Variants in SYN2 observed in about 807,000 individuals in gnomAD.
SYN2 encodes the protein synapsin II.
Under a neutral mutation model 50.9 loss-of-function variants are expected in SYN2, and 19 were observed. The ratio of observed to expected loss-of-function variants is 0.37; its 90% confidence interval spans 0.26 to 0.55. SYN2 has a LOEUF of 0.55. Ranked by LOEUF, SYN2 falls within the 20% of genes least tolerant of loss-of-function variation. The probability of loss-of-function intolerance (pLI) is 0.81; values close to 1 mark genes in which losing one functional copy is unlikely to be tolerated. For missense variants in SYN2, 587 were observed against 576.4 expected, an observed-to-expected ratio of 1.02 and a Z score of -0.19; for synonymous variants, 255 against 224.9, an observed-to-expected ratio of 1.13 and a Z score of -1.20.
At chr3:12,085,000 A>AG (rs1559413534) in intron 1 of SYN2, among the ~76,000 whole-genome samples, 5 of 151,520 alleles carry the variant, frequency 3.3e-5, no homozygotes, top group Admixed American at 6.6e-5. Flanking sequence ...TTAACTAGGA[A>AG]AAAAAAAATC....
intron 10 of SYN2, among the ~76,000 whole-genome samples, chr3:12,180,015 C>A (rs1335174446): frequency 2.0e-5 from 3 of 152,166 alleles, no homozygotes; most frequent in Non-Finnish European, 4.4e-5. Context: ...GTGGCGTGAT[C>A]CTGGCTCACT....
chr3:12,138,631 T>A (rs1696950297), intron 1 of SYN2, among the ~76,000 whole-genome samples: 2 of 152,196 alleles, frequency 1.3e-5, no homozygotes, highest in African/African-American at 4.8e-5. Flanking sequence ...ACATTATCTC[T>A]CTTGGCTCCT....
At chr3:12,005,571 T>C (rs1201916177) in intron 1 of SYN2, among the ~76,000 whole-genome samples, 1 of 72,206 alleles carries the variant, frequency 1.4e-5, no homozygotes, top group Non-Finnish European at 2.5e-5. Flanking sequence ...AGGGGACGTG[T>C]GGAATTTTTT....
At chr3:12,096,208 A>G (rs1053863159) in intron 1 of SYN2, among the ~76,000 whole-genome samples, 1 of 152,178 alleles carries the variant, frequency 6.6e-6, no homozygotes, top group Admixed American at 6.5e-5. Context: ...ATTACTTCCT[A>G]TCTTAAAGCT....
At chr3:12,187,290 C>T (rs1457337679) in intron 11 of SYN2, 79 bp from the exon 12 acceptor site, 4 of 1,453,234 alleles carry the variant, frequency 2.8e-6, no homozygotes, top group South Asian at 1.4e-5. Flanking sequence ...TAACTAACCA[C>T]ACCCTTTGAG....
intron 10 of SYN2, among the ~76,000 whole-genome samples, chr3:12,179,463 A>T (rs1419662791): frequency 1.3e-5 from 2 of 151,690 alleles, no homozygotes; most frequent in East Asian, 3.9e-4. Context: ...CTGCAGCTAC[A>T]TGAGCCCCCC....
chr3:12,123,419 T>C (rs1283253229), intron 1 of SYN2, among the ~76,000 whole-genome samples: 1 of 152,080 alleles, frequency 6.6e-6, no homozygotes, highest in African/African-American at 2.4e-5. Flanking sequence ...CCTCAAAAGC[T>C]GAGAGGAAAA....
intron 1 of SYN2, among the ~76,000 whole-genome samples, chr3:12,046,026 C>T (rs1281140014): frequency 1.3e-5 from 2 of 152,112 alleles, no homozygotes; most frequent in East Asian, 3.8e-4. Flanking sequence ...ATAGTACTTA[C>T]TACAACTCTA....
chr3:12,073,015 A>G (rs1695394096), intron 1 of SYN2, among the ~76,000 whole-genome samples: 1 of 152,176 alleles, frequency 6.6e-6, no homozygotes. Flanking sequence ...CAATGTGGCA[A>G]TATCTAAATT....
intron 1 of SYN2, among the ~76,000 whole-genome samples, chr3:12,095,383 T>C (rs1559417614): frequency 1.4e-5 from 2 of 142,316 alleles, no homozygotes; most frequent in Non-Finnish European, 3.0e-5. Context: ...TCGTCTCTAC[T>C]AAAAAATACA....
intron 1 of SYN2, among the ~76,000 whole-genome samples, chr3:12,115,035 C>A (rs71628736): frequency 0.049 from 7,529 of 152,256 alleles, 210 homozygotes; most frequent in Non-Finnish European, 0.066. Flanking sequence ...AGATAAATGC[C>A]TTATTACCCT....
intron 5 of SYN2, chr3:12,158,819 C>A (rs143705137): frequency 6.3e-7 from 1 of 1,595,254 alleles, no homozygotes; most frequent in South Asian, 1.1e-5. Context: ...CAGCTTGGCG[C>A]GGGCCGAGGG....
At chr3:12,148,215 C>T (rs545943841) in intron 4 of SYN2, among the ~76,000 whole-genome samples, 30 of 152,316 alleles carry the variant, frequency 2.0e-4, no homozygotes, top group African/African-American at 7.0e-4. Flanking sequence ...CTTTGCTCCT[C>T]CCGGGATCTG....
chr3:12,065,327 A>G (rs1039303468), intron 1 of SYN2, among the ~76,000 whole-genome samples: 4 of 152,140 alleles, frequency 2.6e-5, no homozygotes, highest in East Asian at 3.9e-4. Flanking sequence ...CAGAACTACT[A>G]TTGAACCCAG....
intron 3 of SYN2, 51 bp downstream of exon 3, chr3:12,142,047 A>G: frequency 1.3e-6 from 1 of 776,732 alleles, no homozygotes; most frequent in Admixed American, 1.7e-5. Flanking sequence ...CAGAGTTACT[A>G]CCTCTGGCCC....
At chr3:12,040,769 A>G (rs1694594432) in intron 1 of SYN2, among the ~76,000 whole-genome samples, 1 of 152,216 alleles carries the variant, frequency 6.6e-6, no homozygotes, top group Non-Finnish European at 1.5e-5. Context: ...GAAAGATGGA[A>G]GGATAGTGGA....
At chr3:12,185,983 G>A (rs979071359) in intron 11 of SYN2, among the ~76,000 whole-genome samples, 4 of 152,170 alleles carry the variant, frequency 2.6e-5, no homozygotes, top group African/African-American at 9.7e-5. Context: ...ATTTATGTAT[G>A]TGTTTATTTC....
In SYN2 at chr3:12,191,148, CCAA is replaced by C; in HGVS notation, c.*525_*527del. The C allele has an allele frequency of 1.0e-6, 1 of 985,516 alleles. No individual in the cohort carries two copies. The allele number at this position is 985,516 out of a possible 1,614,324, so 61.0% of individuals were successfully genotyped here. On this transcript the variant is annotated 3_prime_UTR_variant, in exon 13 of 13. Coordinates refer to ENST00000621198, the MANE Select transcript of SYN2 (RefSeq NM_133625.6). Reference sequence around the variant, plus strand: ...GTGTTACTGTTTAAAGCACACCCACCCAACTTACAAGATCTTAGGCTGCTGTGG... The same window carrying C: ...GTGTTACTGTTTAAAGCACACCCACCCTTACAAGATCTTAGGCTGCTGTGG...
chr3:12,096,681 A>G (rs1047514612), intron 1 of SYN2, among the ~76,000 whole-genome samples: 1 of 152,130 alleles, frequency 6.6e-6, no homozygotes, highest in East Asian at 1.9e-4. Context: ...GTCTCCCCAA[A>G]TAAGGAGAGA....
Sources: allele counts gnomAD v4.1 joint callset (sites outside exome capture counted in the v4.1 genomes callset), GRCh38; gene constraint gnomAD v4.1.1; transcripts MANE v1.5; gene names NCBI Gene and HGNC (gene_info 2026-07-23, HGNC 2026-07-21).